ZNF532: variants seen among roughly 807,000 people sequenced by gnomAD.
ZNF532 encodes zinc finger protein 532.
In ZNF532, 22 loss-of-function variants were observed where a neutral mutation model predicts 89.3. That is an observed-to-expected ratio of 0.25 (90% CI 0.18 to 0.35). ZNF532 has a LOEUF of 0.35. ZNF532 is among the 10% of genes least tolerant of loss of function. The pLI, the probability that ZNF532 is intolerant of heterozygous loss-of-function variation, is 1.00. For synonymous variants in ZNF532, 606 were observed against 649.6 expected, an observed-to-expected ratio of 0.93 and a Z score of 1.02; for missense variants, 1,132 against 1,643.4, an observed-to-expected ratio of 0.69 and a Z score of 5.38.
intron 2 of ZNF532, among the ~76,000 whole-genome samples, chr18:58,898,476 C>G (rs2059387454): frequency 6.6e-6 from 1 of 152,212 alleles, no homozygotes; most frequent in African/African-American, 2.4e-5. Flanking sequence ...CTACCTCTGT[C>G]TATGGCCTGG....
In ZNF532 at chr18:58,984,927, G is replaced by GTAAT. The variant is rs2068248634; in HGVS notation, c.*463_*466dup. On this transcript the variant is annotated 3_prime_UTR_variant, in exon 10 of 10. Transcript: ENST00000591808. ...TTAGAATTCACTACATAAATTGTAAGTAATTGTGGGTCTCAAAAACACTAG... is the reference window on the plus strand; with the variant it reads ...TTAGAATTCACTACATAAATTGTAAGTAATTAATTGTGGGTCTCAAAAACACTAG... The GTAAT allele has an allele frequency of 6.2e-6, 1 of 160,618 alleles. No homozygotes were observed. The highest frequency in any genetic ancestry group is 1.7e-4 in the South Asian group (1 of 5,858). The allele number at this position is 160,618 out of a possible 1,614,324, so 9.9% of individuals were successfully genotyped here.
chr18:58,952,130 A>G (rs548328227), intron 6 of ZNF532, among the ~76,000 whole-genome samples: 1 of 152,268 alleles, frequency 6.6e-6, no homozygotes, highest in East Asian at 1.9e-4. Flanking sequence ...TGTGATGGAG[A>G]GTGTCCTGAA....
chr18:58,934,645 A>G (rs1291795046), intron 4 of ZNF532, 31 bp downstream of exon 4: 2 of 1,595,218 alleles, frequency 1.3e-6, no homozygotes. Flanking sequence ...TGTGCAAGTA[A>G]AACTCGTTCA....
chr18:58,900,400 TCC>T (rs2145630626), intron 2 of ZNF532, among the ~76,000 whole-genome samples: 1 of 152,340 alleles, frequency 6.6e-6, no homozygotes, highest in Non-Finnish European at 1.5e-5. Context: ...ACCCTGAGCT[TCC>T]ACGGCTTTGA....
At chr18:58,962,271 G>C (rs913873092) in intron 7 of ZNF532, among the ~76,000 whole-genome samples, 2 of 151,888 alleles carry the variant, frequency 1.3e-5, no homozygotes, top group Non-Finnish European at 1.5e-5. Context: ...CTTTCTCCTC[G>C]GACACTGGAA....
At chr18:58,896,630 A>C (rs1602773850) in intron 2 of ZNF532, 1 of 152,536 alleles carries the variant, frequency 6.6e-6, no homozygotes, top group Non-Finnish European at 1.5e-5. Flanking sequence ...AAGGTATAAC[A>C]ATACAGCTTT....
intron 2 of ZNF532, among the ~76,000 whole-genome samples, chr18:58,876,231 G>A (rs1173317823): frequency 1.3e-5 from 2 of 152,096 alleles, no homozygotes; most frequent in African/African-American, 4.8e-5. Context: ...ACCGCGCCCA[G>A]CCTCACTTGG....
intron 2 of ZNF532, among the ~76,000 whole-genome samples, chr18:58,878,737 G>A (rs1214884826): frequency 6.6e-6 from 1 of 152,212 alleles, no homozygotes; most frequent in Admixed American, 6.5e-5. Context: ...TGATTTGTAG[G>A]ACATGATCAA....
At chr18:58,971,384 T>C (rs1268088889) in intron 7 of ZNF532, among the ~76,000 whole-genome samples, 1 of 152,260 alleles carries the variant, frequency 6.6e-6, no homozygotes, top group Non-Finnish European at 1.5e-5. Context: ...CTCTATTTTC[T>C]ATTGAATGTG....
intron 2 of ZNF532, among the ~76,000 whole-genome samples, chr18:58,877,836 C>T (rs1389189426): frequency 6.6e-6 from 1 of 152,034 alleles, no homozygotes; most frequent in African/African-American, 2.4e-5. Context: ...GGCTGTGGGG[C>T]CAGCCCTGGA....
chr18:58,884,055 A>C (rs1339168552), intron 2 of ZNF532, among the ~76,000 whole-genome samples: 1 of 152,204 alleles, frequency 6.6e-6, no homozygotes, highest in African/African-American at 2.4e-5. Flanking sequence ...AGTGTTTGCA[A>C]ATATTAATAT....
At chr18:58,890,085 A>AG (rs2058775165) in intron 2 of ZNF532, among the ~76,000 whole-genome samples, 1 of 151,666 alleles carries the variant, frequency 6.6e-6, no homozygotes, top group Admixed American at 6.6e-5. Flanking sequence ...TGTTTAAAAA[A>AG]GAAAAAAAAA....
rs751681223 is a variant in ZNF532, at chr18:58,984,113, A to C, written c.3553A>C (p.Asn1185His). 1.9e-6 allele frequency: 3 copies of C among 1,611,736 alleles called. No homozygotes were observed. The highest frequency in any genetic ancestry group is 2.5e-6 in the Non-Finnish European group (3 of 1,179,846). Residue 1185 changes from asparagine to histidine, a missense_variant, in exon 10 of 10, where the codon AAC becomes CAC. Physicochemically the swap from Asn to His is moderately conservative, Grantham distance 68. Transcript: ENST00000591808. Reference sequence around the variant, plus strand: ...TGCCGTGTGTGGCTTCACCACCGAAAACCTGCTGCAATTCCACGAACACAT... The same window carrying C: ...TGCCGTGTGTGGCTTCACCACCGAACACCTGCTGCAATTCCACGAACACAT... ...KCAVCGFTTE[N>H]LLQFHEHIPQ... is the part of the protein sequence containing the mutation.
In ZNF532 at chr18:58,942,341, CCCTCCCTCCCTTCCTTCCTTCCTT is replaced by C. The variant is rs1430482416; in HGVS notation, c.2705+2724_2705+2747del. 2.3e-3 allele frequency among the ~76,000 whole-genome samples: 163 copies of C among 71,660 alleles called. 8 individuals carry two copies. The highest frequency in any genetic ancestry group is 0.01 in the African/African-American group (157 of 15,114). 47.0% of individuals were successfully genotyped at this position (71,660 alleles called of 152,430 possible). A position where few individuals can be genotyped will look rare whatever the true frequency, so the allele number is the denominator to read the frequency against. On this transcript the variant is annotated intron_variant, in intron 5 of 9. Transcript: ENST00000591808. ...CTGGCCCCTCCCTCCCTCCCTCCCT[CCCTCCCTCCCTTCCTTCCTTCCTT>C]CCTTCCTTCCTTCCTTCCTTCCTTC...
At chr18:58,901,627 A>G (rs1388133581) in intron 2 of ZNF532, among the ~76,000 whole-genome samples, 1 of 152,230 alleles carries the variant, frequency 6.6e-6, no homozygotes, top group Non-Finnish European at 1.5e-5. Context: ...ACTTTAAACC[A>G]GTGAGGGAGA....
At chr18:58,953,844 C>A in intron 7 of ZNF532, 45 bp downstream of exon 7, 1 of 1,563,836 alleles carries the variant, frequency 6.4e-7, no homozygotes. Context: ...CAAGAGAGGG[C>A]ACTGGACTGG....
At chr18:58,897,661 A>G (rs1445867977) in intron 2 of ZNF532, among the ~76,000 whole-genome samples, 1 of 152,184 alleles carries the variant, frequency 6.6e-6, no homozygotes, top group East Asian at 1.9e-4. Context: ...AGAGATGTAA[A>G]GTTAAGATTG....
At chr18:58,875,162 C>G (rs1172050013) in intron 2 of ZNF532, among the ~76,000 whole-genome samples, 2 of 147,764 alleles carry the variant, frequency 1.4e-5, no homozygotes, top group Admixed American at 6.7e-5. Context: ...CTTTTTTTCT[C>G]TTTTTCAAAA....
chr18:58,950,337 C>T (rs1266654397), intron 6 of ZNF532, among the ~76,000 whole-genome samples: 1 of 152,154 alleles, frequency 6.6e-6, no homozygotes, highest in Non-Finnish European at 1.5e-5. Flanking sequence ...TTCATCTTAA[C>T]CTATGCAAGA....
Sources: allele counts gnomAD v4.1 joint callset (sites outside exome capture counted in the v4.1 genomes callset), GRCh38; gene constraint gnomAD v4.1.1; transcripts MANE v1.5; gene names NCBI Gene and HGNC (gene_info 2026-07-23, HGNC 2026-07-21).